ZDHHC17: variants seen among roughly 807,000 people sequenced by gnomAD.
The protein encoded by ZDHHC17 is zDHHC palmitoyltransferase 17, also known as palmitoyltransferase ZDHHC17.
ZDHHC17 carries 40 observed loss-of-function variants against 90.3 expected under a neutral mutation model. That is an observed-to-expected ratio of 0.44 (90% CI 0.34 to 0.58). The LOEUF (loss-of-function observed/expected upper bound fraction) is 0.58. ZDHHC17 is among the 20% of genes least tolerant of loss of function. The pLI, the probability that ZDHHC17 is intolerant of heterozygous loss-of-function variation, is 0.01. For missense variants in ZDHHC17, 614 were observed against 780.8 expected, an observed-to-expected ratio of 0.79 and a Z score of 2.55; for synonymous variants, 235 against 252.4, an observed-to-expected ratio of 0.93 and a Z score of 0.65.
At chr12:76,794,811 A>C (rs1565773875) in intron 1 of ZDHHC17, among the ~76,000 whole-genome samples, 1 of 152,170 alleles carries the variant, frequency 6.6e-6, no homozygotes, top group African/African-American at 2.4e-5. Context: ...ATAAAATTAA[A>C]GTTTCTTGAA....
intron 1 of ZDHHC17, among the ~76,000 whole-genome samples, chr12:76,789,442 A>G (rs779031132): frequency 1.6e-4 from 25 of 152,328 alleles, no homozygotes; most frequent in African/African-American, 6.0e-4. Context: ...TTCAGTTAGG[A>G]CATGTAAGAA....
intron 7 of ZDHHC17, among the ~76,000 whole-genome samples, chr12:76,820,846 T>A (rs1050115492): frequency 1.3e-5 from 2 of 152,208 alleles, no homozygotes; most frequent in African/African-American, 4.8e-5. Context: ...AGATTCTTGC[T>A]GTTGTTGCTA....
At chr12:76,777,799 G>T (rs1952575369) in intron 1 of ZDHHC17, among the ~76,000 whole-genome samples, 1 of 152,214 alleles carries the variant, frequency 6.6e-6, no homozygotes, top group African/African-American at 2.4e-5. Context: ...GAGAGCCCTA[G>T]CAGGGATTGG....
chr12:76,806,992 G>A (rs1242097607), intron 3 of ZDHHC17, among the ~76,000 whole-genome samples: 1 of 152,138 alleles, frequency 6.6e-6, no homozygotes. Context: ...TGAGGGTAAA[G>A]GTGCACTAAA....
chr12:76,772,415 C>T (rs1365896302), intron 1 of ZDHHC17, among the ~76,000 whole-genome samples: 1 of 152,126 alleles, frequency 6.6e-6, no homozygotes, highest in African/African-American at 2.4e-5. Context: ...ACATTCTACA[C>T]TAGCGTGGTA....
intron 9 of ZDHHC17, among the ~76,000 whole-genome samples, chr12:76,828,115 T>A (rs922927292): frequency 9.9e-5 from 15 of 152,120 alleles, no homozygotes; most frequent in Non-Finnish European, 1.8e-4. Flanking sequence ...TTATTGACTT[T>A]AAGAGAATAG....
intron 13 of ZDHHC17, 48 bp downstream of exon 13, chr12:76,845,850 T>TATTCATTACCTA: frequency 1.9e-6 from 2 of 1,041,294 alleles, no homozygotes; most frequent in Non-Finnish European, 2.9e-6. Flanking sequence ...TAAGTTACTT[T>TATTCATTACCTA]AGGTAATGAA....
At chr12:76,781,630 A>G (rs943675018) in intron 1 of ZDHHC17, 20 of 455,960 alleles carry the variant, frequency 4.4e-5, no homozygotes, top group African/African-American at 4.0e-4. Flanking sequence ...TGCAGCAAGA[A>G]TGGCCTTGCC....
intron 1 of ZDHHC17, among the ~76,000 whole-genome samples, chr12:76,796,182 G>C (rs1464550656): frequency 1.3e-5 from 2 of 152,120 alleles, no homozygotes; most frequent in Non-Finnish European, 2.9e-5. Context: ...TTAAGTATCA[G>C]TGGTAGGTGG....
At chr12:76,843,934 A>G (rs558917073) in intron 12 of ZDHHC17, 5 of 152,296 alleles carry the variant, frequency 3.3e-5, no homozygotes, top group Admixed American at 2.6e-4. Context: ...CAAAATATAT[A>G]CAGCTTCATG....
In ZDHHC17 at chr12:76,764,169, T is replaced by A. The variant is rs1952395436; in HGVS notation, c.-68T>A. 1.1e-6 allele frequency: 1 copy of A among 919,404 alleles called. No homozygotes were observed. Among genetic ancestry groups the A allele is most frequent in the African/African-American group, 1.8e-5 (1 of 56,192 alleles). 57.0% of individuals were successfully genotyped at this position (919,404 alleles called of 1,614,324 possible). On this transcript the variant is annotated 5_prime_UTR_variant, in exon 1 of 17. Coordinates refer to ENST00000426126, the MANE Select transcript of ZDHHC17 (RefSeq NM_015336.4). ...AGGCCCGCGTCGCCTCCGGCGGGGCTCGCGCTCGCCCCGCGCTCGCCCTCC... is the reference window on the plus strand; with the variant it reads ...AGGCCCGCGTCGCCTCCGGCGGGGCACGCGCTCGCCCCGCGCTCGCCCTCC...
In ZDHHC17 at chr12:76,815,236, T is replaced by C. The variant is rs760961174; in HGVS notation, c.608+26T>C. 14 of 1,479,484 alleles carry C rather than the reference T, an allele frequency of 9.5e-6. No homozygotes were observed. The East Asian group carries it at 2.7e-4, about 28-fold the overall frequency. 91.6% of individuals were successfully genotyped at this position (1,479,484 alleles called of 1,614,324 possible). A position where few individuals can be genotyped will look rare whatever the true frequency, so the allele number is the denominator to read the frequency against. ...GTATGTAATGACTATAAAAAACTTA[T>C]TTAGGCCATTTCAGCATAATACAAT... On this transcript the variant is annotated intron_variant, in intron 6 of 16. Coordinates refer to ENST00000426126, the MANE Select transcript of ZDHHC17 (RefSeq NM_015336.4).
intron 3 of ZDHHC17, among the ~76,000 whole-genome samples, chr12:76,807,738 T>A (rs1952971747): frequency 6.6e-6 from 1 of 152,192 alleles, no homozygotes; most frequent in African/African-American, 2.4e-5. Flanking sequence ...TTCTGCCATA[T>A]GTCAGTAAAA....
In ZDHHC17 at chr12:76,809,104, T is replaced by G; in HGVS notation, c.382T>G (p.Leu128Val). The G allele has an allele frequency of 6.4e-7, 1 of 1,562,340 alleles. No homozygotes were observed. ...QLGGDLNSTP[L>V]HWATRQGHLS... Reference sequence around the variant, plus strand: ...TGGAGGGGACCTGAATTCAACTCCATTGCACTGGGCCACAAGGTTTAAATT... The same window carrying G: ...TGGAGGGGACCTGAATTCAACTCCAGTGCACTGGGCCACAAGGTTTAAATT... The change falls in exon 4 of 17, where the codon TTG (leucine) becomes GTG (valine). Residue 128 changes from leucine to valine, a missense_variant. Leu to Val is a conservative substitution (Grantham distance 32). This residue lies in a region of ZDHHC17 where 358 missense variants were observed against 380.4 expected (regional missense o/e 0.94). Coordinates refer to ENST00000426126, the MANE Select transcript of ZDHHC17 (RefSeq NM_015336.4).
At chr12:76,788,018 G>A (rs969192867) in intron 1 of ZDHHC17, among the ~76,000 whole-genome samples, 2 of 152,182 alleles carry the variant, frequency 1.3e-5, no homozygotes, top group African/African-American at 4.8e-5. Context: ...CCAGGCTGTA[G>A]TGGTGATGAT....
chr12:76,792,536 C>G (rs1475610342), intron 1 of ZDHHC17, among the ~76,000 whole-genome samples: 1 of 152,006 alleles, frequency 6.6e-6, no homozygotes, highest in East Asian at 1.9e-4. Context: ...TATCGCAGCT[C>G]AGCTTATCCC....
At chr12:76,778,134 G>A (rs1952579999) in intron 1 of ZDHHC17, among the ~76,000 whole-genome samples, 1 of 152,164 alleles carries the variant, frequency 6.6e-6, no homozygotes, top group African/African-American at 2.4e-5. Flanking sequence ...GTCAGCAGCT[G>A]TGGGGAATAT....
intron 10 of ZDHHC17, among the ~76,000 whole-genome samples, chr12:76,836,200 C>G (rs974503544): frequency 1.3e-5 from 2 of 151,518 alleles, no homozygotes; most frequent in African/African-American, 4.8e-5. Context: ...GAGACTTGTT[C>G]TTTTTTTATG....
Position 76,817,625 on chromosome 12 carries a change from T to A in ZDHHC17, c.771+1606T>A, listed in dbSNP as rs143436711. 8.3e-3 allele frequency among the ~76,000 whole-genome samples: 1,269 copies of A among 152,192 alleles called. 14 individuals carry two copies. Among genetic ancestry groups the A allele is most frequent in the South Asian group, 0.023 (110 of 4,826 alleles). On this transcript the variant is annotated intron_variant, in intron 7 of 16. Coordinates refer to ENST00000426126, the MANE Select transcript of ZDHHC17 (RefSeq NM_015336.4). ...TATTTTCTGTTCATATAAAATTAGG[T>A]TAAATTCAGTCACAGTCATTGGGAT...
Sources: allele counts gnomAD v4.1 joint callset (sites outside exome capture counted in the v4.1 genomes callset), GRCh38; gene constraint gnomAD v4.1.1; regional missense constraint gnomAD v4.1.1; transcripts MANE v1.5; gene names NCBI Gene and HGNC (gene_info 2026-07-23, HGNC 2026-07-21).